Variants in AFG2A observed in about 807,000 individuals in gnomAD.
AFG2A encodes ATPase family gene 2 protein homolog A.
chr4:122,935,612 C>G, the AFG2A span: 2 of 1,354,976 alleles, frequency 1.5e-6, no homozygotes, highest in Non-Finnish European at 2.0e-6. Context: ...TTTTGTGACG[C>G]AAGGTAAAGT....
chr4:123,290,120 T>G, the AFG2A span, among the ~76,000 whole-genome samples: 1,311 of 152,344 alleles, frequency 8.6e-3, 26 homozygotes, highest in African/African-American at 0.03. Flanking sequence ...AGGCATAGTT[T>G]GACAATATTT....
chr4:123,058,515 C>G, the AFG2A span, among the ~76,000 whole-genome samples: 1 of 152,178 alleles, frequency 6.6e-6, no homozygotes, highest in African/African-American at 2.4e-5. Context: ...ATTCCAGCTA[C>G]TTGGGAGGCT....
chr4:123,178,456 C>A, the AFG2A span, among the ~76,000 whole-genome samples: 2 of 152,148 alleles, frequency 1.3e-5, no homozygotes, highest in Admixed American at 1.3e-4. Flanking sequence ...TATTCTTGAA[C>A]AACACCTCTA....
chr4:123,165,430 A>G, the AFG2A span, among the ~76,000 whole-genome samples: 5 of 152,138 alleles, frequency 3.3e-5, no homozygotes, highest in Non-Finnish European at 1.5e-5. Flanking sequence ...TACAGGGTTA[A>G]ATTTTATTTT....
At chr4:123,136,685 A>AAT in the AFG2A span, among the ~76,000 whole-genome samples, 1 of 150,214 alleles carries the variant, frequency 6.7e-6, no homozygotes, top group Non-Finnish European at 1.5e-5. Flanking sequence ...AAAAAAAAAA[A>AAT]ATATATATTA....
chr4:122,932,172 G>A, the AFG2A span, among the ~76,000 whole-genome samples: 1 of 151,832 alleles, frequency 6.6e-6, no homozygotes, highest in Non-Finnish European at 1.5e-5. Flanking sequence ...CTACTCCAGA[G>A]GCTGAGGTGG....
At chr4:123,142,143 T>A in the AFG2A span, among the ~76,000 whole-genome samples, 1 of 152,224 alleles carries the variant, frequency 6.6e-6, no homozygotes, top group Non-Finnish European at 1.5e-5. Context: ...GCATTAAATA[T>A]CTGTATCACT....
At chr4:123,016,201 C>T in the AFG2A span, among the ~76,000 whole-genome samples, 109 of 113,924 alleles carry the variant, frequency 9.6e-4, no homozygotes, top group African/African-American at 3.2e-3. Context: ...GGCGGCTGGC[C>T]GGGCAGGGGG....
At chr4:123,147,890 A>T in the AFG2A span, among the ~76,000 whole-genome samples, 1 of 152,300 alleles carries the variant, frequency 6.6e-6, no homozygotes, top group Non-Finnish European at 1.5e-5. Flanking sequence ...TAATACTTAG[A>T]ACCTTATGTT....
the AFG2A span, among the ~76,000 whole-genome samples, chr4:123,233,279 G>GCACA: frequency 1.3e-3 from 193 of 147,110 alleles, no homozygotes; most frequent in Middle Eastern, 3.5e-3. Context: ...ACACACACAC[G>GCACA]CACACACACA....
At chr4:123,216,500 A>G in the AFG2A span, among the ~76,000 whole-genome samples, 1 of 152,194 alleles carries the variant, frequency 6.6e-6, no homozygotes, top group South Asian at 2.1e-4. Context: ...TGATACATAT[A>G]TCTGTATGCA....
the AFG2A span, among the ~76,000 whole-genome samples, chr4:123,232,734 A>G: frequency 6.6e-6 from 1 of 152,008 alleles, no homozygotes; most frequent in East Asian, 1.9e-4. Flanking sequence ...ACTTGAAGAT[A>G]CTGCATTGGG....
chr4:122,943,713 G>A, the AFG2A span, among the ~76,000 whole-genome samples: 1 of 152,160 alleles, frequency 6.6e-6, no homozygotes, highest in African/African-American at 2.4e-5. Flanking sequence ...ATTAGTTGAT[G>A]CAGTTTCTTC....
At chr4:123,074,374 A>C in the AFG2A span, among the ~76,000 whole-genome samples, 3 of 149,544 alleles carry the variant, frequency 2.0e-5, no homozygotes, top group Non-Finnish European at 1.5e-5. Flanking sequence ...AGGGGACTCT[A>C]TACTTTTTTT....
the AFG2A span, among the ~76,000 whole-genome samples, chr4:123,057,486 T>G: frequency 1.3e-5 from 2 of 152,194 alleles, no homozygotes; most frequent in African/African-American, 4.8e-5. Context: ...TACTTTTATC[T>G]ATATTGGATA....
the AFG2A span, among the ~76,000 whole-genome samples, chr4:123,269,958 A>G: frequency 6.6e-6 from 1 of 152,042 alleles, no homozygotes; most frequent in Admixed American, 6.5e-5. Context: ...CTGGGACTAC[A>G]TATGCCCGCC....
the AFG2A span, among the ~76,000 whole-genome samples, chr4:122,939,308 C>T: frequency 1.3e-5 from 2 of 151,804 alleles, no homozygotes; most frequent in Admixed American, 6.6e-5. Flanking sequence ...TCTCGAGCTC[C>T]TGACCTCAGG....
chr4:123,219,669 A>G, the AFG2A span, among the ~76,000 whole-genome samples: 2 of 152,178 alleles, frequency 1.3e-5, no homozygotes, highest in Admixed American at 1.3e-4. Context: ...TGTGATTTTT[A>G]TATTCTTGAG....
the AFG2A span, among the ~76,000 whole-genome samples, chr4:123,174,396 C>A: frequency 3.3e-5 from 5 of 152,298 alleles, no homozygotes; most frequent in South Asian, 1.0e-3. Flanking sequence ...TACCAATTCT[C>A]CCCAAATCCA....
Sources: gnomAD v4.1 joint callset for allele counts (sites outside exome capture counted in the v4.1 genomes callset) on GRCh38, gnomAD v4.1.1 for gene constraint, MANE v1.5 for transcripts, NCBI Gene and HGNC (gene_info 2026-07-23, HGNC 2026-07-21) for gene names.